FOXP1: variants seen among roughly 807,000 people sequenced by gnomAD.
FOXP1 encodes the protein forkhead box P1.
In FOXP1, 15 loss-of-function variants were observed where a neutral mutation model predicts 98.2. The ratio of observed to expected loss-of-function variants is 0.15; its 90% confidence interval spans 0.10 to 0.24. FOXP1 has a LOEUF of 0.24. Ranked by LOEUF, FOXP1 falls within the 10% of genes least tolerant of loss-of-function variation. The pLI is 1.00. For missense variants in FOXP1, 633 were observed against 848.5 expected, an observed-to-expected ratio of 0.75 and a Z score of 3.15; for synonymous variants, 371 against 314.5, an observed-to-expected ratio of 1.18 and a Z score of -1.90.
intron 5 of FOXP1, among the ~76,000 whole-genome samples, chr3:71,237,516 G>A (rs1199253836): frequency 6.6e-6 from 1 of 152,142 alleles, no homozygotes; most frequent in Non-Finnish European, 1.5e-5. Context: ...ATCCTGGCCT[G>A]GAAGAGTTTC....
intron 7 of FOXP1, chr3:71,064,706 A>T: frequency 2.4e-5 from 15 of 637,600 alleles, no homozygotes; most frequent in Admixed American, 6.3e-5. Context: ...TTTTTAAAAG[A>T]CTCAACTTCA....
chr3:71,150,613 A>C (rs1200914906), intron 6 of FOXP1, among the ~76,000 whole-genome samples: 2 of 152,060 alleles, frequency 1.3e-5, no homozygotes, highest in Admixed American at 1.3e-4. Flanking sequence ...ATCTTTTTAC[A>C]TTCTCTACAA....
chr3:71,549,815 G>A (rs1253122533), intron 2 of FOXP1, among the ~76,000 whole-genome samples: 2 of 140,918 alleles, frequency 1.4e-5, no homozygotes, highest in African/African-American at 5.2e-5. Context: ...CCTTGAGGAT[G>A]GAAGAAATGG....
chr3:71,150,459 G>A (rs774067189), intron 6 of FOXP1, among the ~76,000 whole-genome samples: 1 of 151,896 alleles, frequency 6.6e-6, no homozygotes, highest in Non-Finnish European at 1.5e-5. Context: ...CTTGAGATAA[G>A]TTTCAGACAG....
chr3:71,566,628 G>T (rs1280955964), intron 2 of FOXP1, among the ~76,000 whole-genome samples: 2 of 152,138 alleles, frequency 1.3e-5, no homozygotes, highest in Non-Finnish European at 2.9e-5. Context: ...GCCCAACAGG[G>T]GATCACGCAT....
intron 3 of FOXP1, among the ~76,000 whole-genome samples, chr3:71,394,365 T>G (rs2108144827): frequency 6.6e-6 from 1 of 152,340 alleles, no homozygotes; most frequent in East Asian, 1.9e-4. Flanking sequence ...GCAGTGGTCA[T>G]TTGTTCTTAA....
chr3:71,072,830 G>A (rs1453647407), intron 7 of FOXP1, among the ~76,000 whole-genome samples: 5 of 152,132 alleles, frequency 3.3e-5, no homozygotes, highest in Non-Finnish European at 1.5e-5. Flanking sequence ...ACTGATAGGG[G>A]GTGCCTTTTC....
intron 2 of FOXP1, among the ~76,000 whole-genome samples, chr3:71,534,357 AAAC>A (rs748850801): frequency 1.7e-4 from 26 of 151,988 alleles, no homozygotes; most frequent in Admixed American, 7.9e-4. Flanking sequence ...ACTCTGTCAA[AAAC>A]AACAACAACA....
At chr3:71,582,359 C>G (rs1005287031) in intron 1 of FOXP1, 26 of 972,996 alleles carry the variant, frequency 2.7e-5, no homozygotes, top group Admixed American at 1.2e-4. Flanking sequence ...AACTGGCAAA[C>G]TCCTCGGCTC....
At chr3:71,266,002 T>C (rs191385207) in intron 5 of FOXP1, among the ~76,000 whole-genome samples, 51 of 152,238 alleles carry the variant, frequency 3.4e-4, no homozygotes, top group Admixed American at 3.3e-3. Flanking sequence ...AGGCACACAG[T>C]GCGGGAATGG....
intron 7 of FOXP1, among the ~76,000 whole-genome samples, chr3:71,106,981 C>T (rs556982997): frequency 2.0e-5 from 3 of 152,136 alleles, no homozygotes; most frequent in Admixed American, 2.0e-4. Context: ...GTTGCCCAGG[C>T]TGGTCTCTAA....
chr3:71,104,862 G>C (rs939100204), intron 7 of FOXP1, among the ~76,000 whole-genome samples: 1 of 152,166 alleles, frequency 6.6e-6, no homozygotes, highest in East Asian at 1.9e-4. Flanking sequence ...AGATATGAAT[G>C]ATGTTTCTGG....
upstream of FOXP1, chr3:71,583,977 G>A (rs2048396701): frequency 2.2e-6 from 2 of 922,306 alleles, no homozygotes; most frequent in African/African-American, 3.6e-5. Flanking sequence ...CGGGGCGCTG[G>A]CGCCCACCCC....
At chr3:71,014,839 T>C (rs1212532877) in intron 12 of FOXP1, among the ~76,000 whole-genome samples, 1 of 152,144 alleles carries the variant, frequency 6.6e-6, no homozygotes, top group East Asian at 1.9e-4. Flanking sequence ...ATGTCCTCTG[T>C]AGGGACACAG....
In FOXP1 at chr3:71,353,165, T is replaced by C. The variant is rs372254843; in HGVS notation, c.-73+5985A>G. 4.9e-4 allele frequency among the ~76,000 whole-genome samples: 74 copies of C among 152,228 alleles called. 2 individuals carry two copies. The South Asian group carries it at 0.01, about 21-fold the overall frequency. On this transcript the variant is annotated intron_variant, in intron 4 of 20. Transcript: ENST00000649528. ...GGCACTGAGAGACTGCTGAACCAAA[T>C]TGGACTCAGACGATGCAGCAAAATT...
chr3:71,402,425 A>G (rs750098312), intron 3 of FOXP1, among the ~76,000 whole-genome samples: 1 of 152,230 alleles, frequency 6.6e-6, no homozygotes, highest in African/African-American at 2.4e-5. Context: ...ACTGCACTCC[A>G]GCCTGGGCGA....
chr3:71,054,639 T>C (rs2050366148), intron 7 of FOXP1, among the ~76,000 whole-genome samples: 1 of 152,220 alleles, frequency 6.6e-6, no homozygotes, highest in Non-Finnish European at 1.5e-5. Flanking sequence ...AATTTAGCTA[T>C]TCAAAATAAT....
chr3:71,570,072 G>T (rs1355431694), intron 2 of FOXP1, among the ~76,000 whole-genome samples: 1 of 152,038 alleles, frequency 6.6e-6, no homozygotes, highest in East Asian at 1.9e-4. Context: ...ATGGACAAAG[G>T]CGTGGCTCAG....
At chr3:71,378,037 A>G (rs2079852573) in intron 3 of FOXP1, among the ~76,000 whole-genome samples, 1 of 152,038 alleles carries the variant, frequency 6.6e-6, no homozygotes, top group East Asian at 1.9e-4. Context: ...TTGTCAAGAA[A>G]TAACTCAAAG....
Sources: gnomAD v4.1 joint callset for allele counts (sites outside exome capture counted in the v4.1 genomes callset) on GRCh38, gnomAD v4.1.1 for gene constraint, MANE v1.5 for transcripts, NCBI Gene and HGNC (gene_info 2026-07-23, HGNC 2026-07-21) for gene names.